The following RNF150 variants were observed in gnomAD, a reference collection of about 807,000 sequenced individuals.
RNF150 encodes ring finger protein 150.
RNF150 carries 24 observed loss-of-function variants against 39.3 expected under a neutral mutation model. The observed-to-expected ratio is 0.61, with a 90% CI of 0.44 to 0.86. The LOEUF (loss-of-function observed/expected upper bound fraction) is 0.86. Ranked by LOEUF, RNF150 falls within the 40% of genes least tolerant of loss-of-function variation. RNF150 has a pLI of 0.00. For synonymous variants in RNF150, 255 were observed against 227.3 expected (o/e 1.12, Z -1.10); for missense variants, 502 against 587.8 (o/e 0.85, Z 1.51).
chr4:140,929,264 GTC>G (rs1731519453), intron 4 of RNF150, among the ~76,000 whole-genome samples: 6 of 151,396 alleles, frequency 4.0e-5, no homozygotes, highest in Admixed American at 3.3e-4. Context: ...CTTCCCCAGA[GTC>G]TCTGATCCAC....
chr4:141,035,906 C>T (rs750775285), intron 1 of RNF150, among the ~76,000 whole-genome samples: 4 of 151,990 alleles, frequency 2.6e-5, no homozygotes, highest in African/African-American at 7.3e-5. Flanking sequence ...CGAAATAACA[C>T]GACATAACAT....
At chr4:140,999,979 A>G (rs1317826515) in intron 1 of RNF150, among the ~76,000 whole-genome samples, 4 of 28,712 alleles carry the variant, frequency 1.4e-4, no homozygotes, top group African/African-American at 1.4e-4. Flanking sequence ...GAAGAAGAAA[A>G]GAAGAAAAGA....
At chr4:141,170,662 T>A (rs897933493) in intron 1 of RNF150, among the ~76,000 whole-genome samples, 1 of 152,162 alleles carries the variant, frequency 6.6e-6, no homozygotes, top group African/African-American at 2.4e-5. Context: ...ATACATCCAT[T>A]ATAGTGGAAG....
At chr4:141,153,368 C>T (rs1465283988) in intron 1 of RNF150, among the ~76,000 whole-genome samples, 2 of 151,702 alleles carry the variant, frequency 1.3e-5, no homozygotes, top group African/African-American at 4.8e-5. Flanking sequence ...CGCTGATGTC[C>T]CTAAAGAAAG....
rs1171385223 is a variant in RNF150, at chr4:141,052,417, C to G, written c.484+79908G>C. The stretch of plus-strand genomic sequence containing the variant: ...TTGAGATGGAGGCTCACTCTGTTAC[C>G]CAGGCTGGAGTGCAGTGGCGCGATC... On this transcript the variant is annotated intron_variant, in intron 1 of 6. Coordinates refer to ENST00000515673, the MANE Select transcript of RNF150 (RefSeq NM_020724.2). 2.0e-5 allele frequency among the ~76,000 whole-genome samples: 3 copies of G among 151,984 alleles called. No individual in the cohort carries two copies. The South Asian group carries it at 6.2e-4, about 32-fold the overall frequency.
intron 4 of RNF150, among the ~76,000 whole-genome samples, chr4:140,930,589 C>A (rs1003685096): frequency 2.0e-5 from 3 of 152,342 alleles, no homozygotes; most frequent in Middle Eastern, 3.4e-3. Context: ...ATGGTCAAGT[C>A]TCATTCATGC....
chr4:141,053,511 G>A (rs796150338), intron 1 of RNF150, among the ~76,000 whole-genome samples: 2 of 152,220 alleles, frequency 1.3e-5, no homozygotes, highest in African/African-American at 4.8e-5. Context: ...GCTTCTTCAG[G>A]AAAACAAGCA....
chr4:141,009,605 A>G (rs1358212820), intron 1 of RNF150, among the ~76,000 whole-genome samples: 2 of 152,198 alleles, frequency 1.3e-5, no homozygotes, highest in African/African-American at 4.8e-5. Context: ...GACTCAAGAA[A>G]TGTTAGTTAT....
chr4:141,082,682 A>G (rs926885402), intron 1 of RNF150, among the ~76,000 whole-genome samples: 98 of 149,706 alleles, frequency 6.5e-4, no homozygotes, highest in African/African-American at 6.6e-4. Context: ...TCCGCCTCCC[A>G]GGTTCACGCC....
Position 140,931,470 on chromosome 4 carries a change from G to A in RNF150, c.891-5397C>T, listed in dbSNP as rs73857137. Among the ~76,000 whole-genome samples, 1,158 of 152,282 alleles carry A rather than the reference G, an allele frequency of 7.6e-3. 14 individuals carry two copies. The highest frequency in any genetic ancestry group is 0.027 in the African/African-American group (1,110 of 41,558). ...TTTTTCCTCCTAAGTGGAAAGAAAAGTAAAAGTCAACAGACTAAATAAACA... is the reference window on the plus strand; with the variant it reads ...TTTTTCCTCCTAAGTGGAAAGAAAAATAAAAGTCAACAGACTAAATAAACA... On this transcript the variant is annotated intron_variant, in intron 4 of 6. Coordinates refer to ENST00000515673, the MANE Select transcript of RNF150 (RefSeq NM_020724.2).
Position 140,979,000 on chromosome 4 carries a change from C to A in RNF150, c.485-11127G>T, listed in dbSNP as rs541165346. On this transcript the variant is annotated intron_variant, in intron 1 of 6. Coordinates refer to ENST00000515673, the MANE Select transcript of RNF150 (RefSeq NM_020724.2). ...ATTCTAATTTTTGCTGGACAAAAAA[C>A]AATATATAGTCGTTCTTTGGTGTAT... 2.3e-4 allele frequency among the ~76,000 whole-genome samples: 35 copies of A among 152,116 alleles called. No homozygotes were observed. In the East Asian group the frequency reaches 3.5e-3, roughly 15 times the overall value.
chr4:141,050,078 G>T (rs1736720240), intron 1 of RNF150, among the ~76,000 whole-genome samples: 1 of 151,610 alleles, frequency 6.6e-6, no homozygotes. Flanking sequence ...TTATAAAATA[G>T]CAAAAGAACA....
At chr4:141,175,069 G>A (rs1019464713) in intron 1 of RNF150, among the ~76,000 whole-genome samples, 1 of 152,164 alleles carries the variant, frequency 6.6e-6, no homozygotes, top group African/African-American at 2.4e-5. Context: ...GATTAAACTG[G>A]TTGTTTCAGA....
At chr4:141,196,393 GGGA>G (rs1728201961) in intron 1 of RNF150, among the ~76,000 whole-genome samples, 1 of 152,086 alleles carries the variant, frequency 6.6e-6, no homozygotes, top group East Asian at 1.9e-4. Flanking sequence ...ATTCTTGAGA[GGGA>G]TGATGCAAAT....
intron 1 of RNF150, among the ~76,000 whole-genome samples, chr4:141,004,069 G>A (rs1734774922): frequency 6.6e-6 from 1 of 152,090 alleles, no homozygotes; most frequent in South Asian, 2.1e-4. Flanking sequence ...TTCTATACTG[G>A]TTTCAGTTCA....
chr4:140,929,368 T>G (rs989172931), intron 4 of RNF150, among the ~76,000 whole-genome samples: 1 of 136,844 alleles, frequency 7.3e-6, no homozygotes, highest in Non-Finnish European at 1.6e-5. Context: ...GTTTTTTTTT[T>G]TTTTTTTTTT....
intron 1 of RNF150, among the ~76,000 whole-genome samples, chr4:141,209,453 A>G (rs2111228541): frequency 6.6e-6 from 1 of 152,280 alleles, no homozygotes; most frequent in South Asian, 2.1e-4. Flanking sequence ...GTCTTTTTCC[A>G]TTATGCTACT....
rs551187026 is a variant in RNF150, at chr4:141,101,527, A to AC, written c.484+30797_484+30798insG. 3.1e-3 allele frequency among the ~76,000 whole-genome samples: 465 copies of AC among 152,280 alleles called. 1 individual carries two copies. The highest frequency in any genetic ancestry group is 9.9e-3 in the African/African-American group (412 of 41,562). ...CCTGAAGCACCTGCCCAAATGGTTA[A>AC]TTTTAGAAATAAATACAAAGAGTAT... is the stretch of plus-strand genomic sequence containing the variant. On this transcript the variant is annotated intron_variant, in intron 1 of 6. Transcript: ENST00000515673.
At chr4:141,142,200 C>T (rs1370995752) in intron 1 of RNF150, among the ~76,000 whole-genome samples, 3 of 152,178 alleles carry the variant, frequency 2.0e-5, no homozygotes, top group African/African-American at 7.2e-5. Context: ...GAATCAAACT[C>T]CCCATCTTCC....
Sources: allele counts gnomAD v4.1 joint callset (sites outside exome capture counted in the v4.1 genomes callset), GRCh38; gene constraint gnomAD v4.1.1; transcripts MANE v1.5; gene names NCBI Gene and HGNC (gene_info 2026-07-23, HGNC 2026-07-21).